The following LYPD5 variants were observed in gnomAD, a reference collection of about 807,000 sequenced individuals.
The protein encoded by LYPD5 is LY6/PLAUR domain containing 5.
LYPD5 carries 21 observed loss-of-function variants against 19.1 expected under a neutral mutation model. That is an observed-to-expected ratio of 1.10 (90% CI 0.78 to 1.58). LYPD5 has a LOEUF of 1.58. Ranked by LOEUF, LYPD5 falls within the 40% of genes most tolerant of loss-of-function variation. LYPD5 has a pLI of 0.00. For missense variants in LYPD5, 287 were observed against 329.8 expected, an observed-to-expected ratio of 0.87 and a Z score of 1.00; for synonymous variants, 128 against 142.7, an observed-to-expected ratio of 0.90 and a Z score of 0.74.
rs1231460917 is a variant in LYPD5, at chr19:43,819,148, T to C, written c.-66+1392A>G. On this transcript the variant is annotated intron_variant, in intron 1 of 4. Transcript: ENST00000414615. ...TGGCATTTAGCCTCTATTGCATCAG[T>C]GTTTTCTATTTCTTTAACTTGTGCT... Among the ~76,000 whole-genome samples the C allele has an allele frequency of 2.6e-5, 4 of 152,252 alleles. No homozygotes were observed. The East Asian group carries it at 7.7e-4, about 29-fold the overall frequency.
intron 1 of LYPD5, among the ~76,000 whole-genome samples, chr19:43,813,940 G>A (rs1412674886): frequency 2.6e-5 from 4 of 152,146 alleles, no homozygotes; most frequent in Non-Finnish European, 4.4e-5. Flanking sequence ...TGCCTGCAAC[G>A]GCCTCCCAAA....
intron 1 of LYPD5, among the ~76,000 whole-genome samples, chr19:43,813,306 T>C (rs1970342387): frequency 6.6e-6 from 1 of 151,962 alleles, no homozygotes; most frequent in South Asian, 2.1e-4. Context: ...GTCTGGGAAC[T>C]CCACCGTCTC....
intron 1 of LYPD5, among the ~76,000 whole-genome samples, chr19:43,816,913 T>C (rs1970380116): frequency 6.6e-6 from 1 of 152,210 alleles, no homozygotes; most frequent in South Asian, 2.1e-4. Context: ...CTGGCTGCCA[T>C]GTAAGATGTC....
At chr19:43,810,693 T>C (rs1248062242) in intron 1 of LYPD5, among the ~76,000 whole-genome samples, 1 of 151,420 alleles carries the variant, frequency 6.6e-6, no homozygotes, top group Non-Finnish European at 1.5e-5. Context: ...AATGCAGCGA[T>C]CTTGGCTCAC....
intron 1 of LYPD5, 80 bp from the exon 2 acceptor site, chr19:43,799,914 C>A: frequency 6.7e-7 from 1 of 1,488,172 alleles, no homozygotes; most frequent in South Asian, 1.3e-5. Context: ...CAGCAAATGA[C>A]AGGCACACGG....
At chr19:43,800,025 T>C in intron 1 of LYPD5, 191 bp from the exon 2 acceptor site, 1 of 595,340 alleles carries the variant, frequency 1.7e-6, no homozygotes, top group Non-Finnish European at 2.8e-6. Flanking sequence ...AGTAATGACC[T>C]CTCTGCAGCT....
chr19:43,803,898 C>T (rs563592549), upstream of LYPD5, among the ~76,000 whole-genome samples: 42 of 152,090 alleles, frequency 2.8e-4, no homozygotes, highest in South Asian at 8.3e-4. Flanking sequence ...AGTGCAGTGG[C>T]GTGATCTCGG....
chr19:43,817,469 C>T (rs1970383379), intron 1 of LYPD5, among the ~76,000 whole-genome samples: 2 of 152,152 alleles, frequency 1.3e-5, no homozygotes, highest in Admixed American at 1.3e-4. Context: ...GCTGCAAAGT[C>T]ATGTTGCAAA....
intron 1 of LYPD5, chr19:43,815,725 T>C: frequency 2.4e-6 from 1 of 413,356 alleles, no homozygotes; most frequent in Non-Finnish European, 4.8e-6. Flanking sequence ...TATACCCATC[T>C]ATTATTTTTA....
At chr19:43,812,719 C>G (rs933203975) in intron 1 of LYPD5, among the ~76,000 whole-genome samples, 1 of 152,150 alleles carries the variant, frequency 6.6e-6, no homozygotes, top group Admixed American at 6.5e-5. Context: ...ACAAGGAAAT[C>G]GTAGGTTTGA....
intron 1 of LYPD5, among the ~76,000 whole-genome samples, chr19:43,810,586 C>G (rs567198816): frequency 0.023 from 2,963 of 126,474 alleles, 133 homozygotes; most frequent in African/African-American, 0.081. Context: ...CTCCCTTCCC[C>G]TCCTCTCCCC....
intron 3 of LYPD5, 38 bp downstream of exon 3, chr19:43,798,774 T>A (rs755308413): frequency 3.2e-6 from 5 of 1,581,944 alleles, no homozygotes; most frequent in Non-Finnish European, 2.6e-6. Flanking sequence ...AGGCCTCTCA[T>A]CGTCCCTCCC....
chr19:43,807,230 C>T (rs768938582), upstream of LYPD5, among the ~76,000 whole-genome samples: 5 of 151,364 alleles, frequency 3.3e-5, no homozygotes, highest in African/African-American at 4.8e-5. Flanking sequence ...GAATGTTGCA[C>T]GCTCTTGTGG....
intron 1 of LYPD5, among the ~76,000 whole-genome samples, chr19:43,801,018 T>C (rs1485561364): frequency 7.2e-6 from 1 of 138,750 alleles, no homozygotes; most frequent in African/African-American, 2.7e-5. Flanking sequence ...TAGACCCATG[T>C]AACACAGATA....
intron 1 of LYPD5, among the ~76,000 whole-genome samples, chr19:43,812,862 C>T (rs1441995465): frequency 6.6e-6 from 1 of 152,166 alleles, no homozygotes; most frequent in Non-Finnish European, 1.5e-5. Context: ...ACTTCTAGGT[C>T]ATCACCATGG....
chr19:43,798,060 A>G (rs1970158190), intron 4 of LYPD5, among the ~76,000 whole-genome samples: 1 of 142,316 alleles, frequency 7.0e-6, no homozygotes, highest in South Asian at 2.3e-4. Flanking sequence ...ACCAGGGGCC[A>G]TGCCTCCTCC....
upstream of LYPD5, among the ~76,000 whole-genome samples, chr19:43,805,407 C>T (rs189442939): frequency 2.3e-4 from 35 of 152,326 alleles, no homozygotes; most frequent in East Asian, 6.5e-3. Flanking sequence ...AATGTTATTT[C>T]ACACATTATC....
At chr19:43,803,064 GAAGA>G (rs1423829160), upstream of LYPD5, among the ~76,000 whole-genome samples, 1 of 152,078 alleles carries the variant, frequency 6.6e-6, no homozygotes, top group Non-Finnish European at 1.5e-5. Context: ...AGAGAGAGAG[GAAGA>G]GAGAGAGAGA....
At chr19:43,813,714 G>A (rs1227021571) in intron 1 of LYPD5, among the ~76,000 whole-genome samples, 1 of 152,180 alleles carries the variant, frequency 6.6e-6, no homozygotes, top group Non-Finnish European at 1.5e-5. Flanking sequence ...TTGAGACGCT[G>A]TTTCATTCTG....
Sources: allele counts gnomAD v4.1 joint callset (sites outside exome capture counted in the v4.1 genomes callset), GRCh38; gene constraint gnomAD v4.1.1; transcripts MANE v1.5; gene names NCBI Gene and HGNC (gene_info 2026-07-23, HGNC 2026-07-21).